DMD: variants seen among roughly 807,000 people sequenced by gnomAD.
DMD encodes the protein mutant dystrophin.
DMD carries 63 observed loss-of-function variants against 330.1 expected under a neutral mutation model. The ratio of observed to expected loss-of-function variants is 0.19; its 90% CI spans 0.16 to 0.24. The LOEUF is 0.24. Among genes scored for constraint, DMD ranks in the 10% least tolerant of loss-of-function variants. The probability of loss-of-function intolerance (pLI) is 1.00; values close to 1 mark genes in which losing one functional copy is unlikely to be tolerated. For synonymous variants in DMD, 1,223 were observed against 959.8 expected, an observed-to-expected ratio of 1.27 and a Z score of -5.07; for missense variants, 3,344 against 2,684.1, an observed-to-expected ratio of 1.25 and a Z score of -5.43.
intron 61 of DMD, among the ~76,000 whole-genome samples, chrX:31,332,459 T>A (rs2057181090): frequency 9.0e-6 from 1 of 111,560 alleles, no homozygotes; most frequent in African/African-American, 3.3e-5. Flanking sequence ...GGAAACAGTA[T>A]CATAAAGATT....
intron 1 of DMD, among the ~76,000 whole-genome samples, chrX:33,066,837 G>T (rs776392642): frequency 1.8e-5 from 2 of 111,942 alleles, no homozygotes; most frequent in Non-Finnish European, 3.8e-5. Context: ...CTCAATGGGA[G>T]AAATCCAAGC....
At chrX:32,499,123 C>T (rs1025643016) in intron 19 of DMD, among the ~76,000 whole-genome samples, 1 of 111,460 alleles carries the variant, frequency 9.0e-6, no homozygotes, top group Non-Finnish European at 1.9e-5. Context: ...TTATTTTTTC[C>T]ATCTTGGAAT....
At chrX:32,408,557 A>T (rs764374260) in intron 30 of DMD, among the ~76,000 whole-genome samples, 23 of 111,587 alleles carry the variant, frequency 2.1e-4, no homozygotes, top group Admixed American at 1.7e-3. Context: ...ATTCAAATTA[A>T]CTAGCAAAAC....
intron 57 of DMD, among the ~76,000 whole-genome samples, chrX:31,484,428 A>T (rs2068631016): frequency 8.9e-6 from 1 of 112,052 alleles, no homozygotes; most frequent in African/African-American, 3.2e-5. Context: ...CCTTGAACAG[A>T]TAAAATTATC....
At position 32,323,016 on chromosome X, in the gene DMD, T is replaced by A. The variant is rs186284588; in HGVS notation, c.5923-12740A>T. Among the ~76,000 whole-genome samples the A allele has an allele frequency of 1.5e-4, 17 of 112,373 alleles. No individual in the cohort carries two copies. In the East Asian group the frequency reaches 4.5e-3, roughly 30 times the overall value. On this transcript the variant is annotated intron_variant, in intron 41 of 78. Transcript: ENST00000357033. ...AAGTACAGTTGGCCCTCTGTATCCATGGGTTCCACATTTGTGGATTTAACC... is the reference window on the plus strand; with the variant it reads ...AAGTACAGTTGGCCCTCTGTATCCAAGGGTTCCACATTTGTGGATTTAACC...
At chrX:31,849,215 C>CATTTATTT (rs55862537) in intron 48 of DMD, among the ~76,000 whole-genome samples, 1 of 107,715 alleles carries the variant, frequency 9.3e-6, no homozygotes, top group African/African-American at 3.4e-5. Flanking sequence ...TATGTTCAAA[C>CATTTATTT]ATTTATTTAT....
intron 1 of DMD, among the ~76,000 whole-genome samples, chrX:33,191,454 C>T (rs2050643242): frequency 9.1e-6 from 1 of 109,813 alleles, no homozygotes; most frequent in East Asian, 2.9e-4. Context: ...GATAGAGTCT[C>T]GCTCTGTCAC....
At chrX:32,445,100 C>T (rs141255784) in intron 27 of DMD, among the ~76,000 whole-genome samples, 1,417 of 111,708 alleles carry the variant, frequency 0.013, 11 homozygotes, top group Non-Finnish European at 0.02. Flanking sequence ...TTGTGTAAAG[C>T]TGTTGACAAG....
At chrX:32,767,182 T>C (rs1449351591) in intron 7 of DMD, among the ~76,000 whole-genome samples, 1 of 111,815 alleles carries the variant, frequency 8.9e-6, no homozygotes, top group South Asian at 3.7e-4. Flanking sequence ...CTCATTTGCA[T>C]ATGGGTATAT....
At chrX:32,672,250 T>C (rs2061677874) in intron 9 of DMD, among the ~76,000 whole-genome samples, 1 of 110,806 alleles carries the variant, frequency 9.0e-6, no homozygotes, top group East Asian at 2.8e-4. Context: ...GCAGTCCCTT[T>C]GAAAGAAATC....
At chrX:32,279,429 G>C (rs73221110) in intron 43 of DMD, among the ~76,000 whole-genome samples, 25,935 of 110,648 alleles carry the variant, frequency 0.23, 2,314 homozygotes, top group Middle Eastern at 0.33. Flanking sequence ...ATCAAGAGAT[G>C]AATGGACAAA....
intron 67 of DMD, among the ~76,000 whole-genome samples, chrX:31,183,183 A>G: frequency 9.5e-6 from 1 of 105,065 alleles, no homozygotes; most frequent in Non-Finnish European, 1.9e-5. Flanking sequence ...GAGAAAGGTA[A>G]GCAAACTACA....
chrX:33,055,106 G>A (rs773518155), intron 1 of DMD, among the ~76,000 whole-genome samples: 1 of 111,700 alleles, frequency 9.0e-6, no homozygotes, highest in Non-Finnish European at 1.9e-5. Flanking sequence ...AACGTTAAAA[G>A]AGATTTACGA....
At chrX:31,335,573 G>A (rs1308245925) in intron 61 of DMD, among the ~76,000 whole-genome samples, 3 of 111,822 alleles carry the variant, frequency 2.7e-5, no homozygotes, top group Non-Finnish European at 5.6e-5. Context: ...TAAGGTAAGA[G>A]ATTCATGTAA....
chrX:32,649,559 T>TAAAAAAAAAA (rs1161462889), intron 9 of DMD, among the ~76,000 whole-genome samples: 13 of 54,252 alleles, frequency 2.4e-4, no homozygotes, highest in African/African-American at 1.2e-3. Context: ...CCGTCTCTTT[T>TAAAAAAAAAA]AAAAAAAAAA....
intron 7 of DMD, among the ~76,000 whole-genome samples, chrX:32,785,381 A>G (rs111999337): frequency 0.06 from 6,627 of 111,141 alleles, 201 homozygotes; most frequent in Middle Eastern, 0.091. Context: ...TTAAAGTTTG[A>G]ATTATTATGA....
At chrX:32,843,698 T>G (rs1438389202) in intron 4 of DMD, among the ~76,000 whole-genome samples, 1 of 111,783 alleles carries the variant, frequency 8.9e-6, no homozygotes, top group Admixed American at 9.5e-5. Context: ...AGAGGTAATG[T>G]AATTAGGGAG....
chrX:31,465,451 C>T (rs1336818069), intron 59 of DMD, among the ~76,000 whole-genome samples: 1 of 110,821 alleles, frequency 9.0e-6, no homozygotes, highest in Non-Finnish European at 1.9e-5. Context: ...TGAGAACATG[C>T]GGTGCCTGGT....
intron 55 of DMD, among the ~76,000 whole-genome samples, chrX:31,519,943 C>A (rs2072591693): frequency 9.0e-6 from 1 of 111,442 alleles, no homozygotes; most frequent in African/African-American, 3.3e-5. Flanking sequence ...CTAGATAGTT[C>A]TTTCATCCTA....
Sources: allele counts gnomAD v4.1 joint callset (sites outside exome capture counted in the v4.1 genomes callset), GRCh38; gene constraint gnomAD v4.1.1; transcripts MANE v1.5; gene names NCBI Gene and HGNC (gene_info 2026-07-23, HGNC 2026-07-21).